The following CENPO variants were observed in gnomAD, a reference collection of about 807,000 sequenced individuals.
The protein encoded by CENPO is centromeric protein O.
Under a neutral mutation model 36.1 loss-of-function variants are expected in CENPO, and 30 were observed. The ratio of observed to expected loss-of-function variants is 0.83; its 90% CI spans 0.62 to 1.13. The LOEUF is 1.13. CENPO is among the 50% of genes most tolerant of loss of function. The pLI is 0.00. For missense variants in CENPO, 349 were observed against 357.8 expected (o/e 0.98, Z 0.20); for synonymous variants, 171 against 142.3 (o/e 1.20, Z -1.44).
intron 5 of CENPO, 108 bp downstream of exon 5, chr2:24,815,864 C>T (rs866252682): frequency 2.0e-6 from 2 of 1,015,542 alleles, no homozygotes; most frequent in Non-Finnish European, 1.5e-6. Context: ...AGAAGTTTGA[C>T]CGTTACCTTT....
chr2:24,818,546 T>C (rs1667072026), intron 7 of CENPO, among the ~76,000 whole-genome samples: 1 of 152,216 alleles, frequency 6.6e-6, no homozygotes, highest in African/African-American at 2.4e-5. Context: ...GAGAAAGCAG[T>C]AGGATAAAAT....
rs560634723 is a variant in CENPO at position 24,802,398 on chromosome 2, C to G, written c.216+2554C>G. Among the ~76,000 whole-genome samples the G allele has an allele frequency of 4.6e-5, 7 of 152,174 alleles. No homozygotes were observed. In the South Asian group the frequency reaches 1.5e-3, roughly 32 times the overall value. On this transcript the variant is annotated intron_variant, in intron 3 of 7. Coordinates refer to ENST00000380834, the MANE Select transcript of CENPO (RefSeq NM_001322101.2). ...GAGTGGTGAGAGAGGGCATCCCTGT[C>G]TTGTGCCAGTTTTCAAAGGGAATGC...
chr2:24,796,530 T>G (rs1665911454), intron 2 of CENPO, among the ~76,000 whole-genome samples: 1 of 152,000 alleles, frequency 6.6e-6, no homozygotes, highest in Non-Finnish European at 1.5e-5. Context: ...AAAACTATAG[T>G]GGCCGGGTGC....
In CENPO at chr2:24,817,798, G is replaced by A; in HGVS notation, c.895G>A (p.Val299Ile). ...RKGEKLDMSLVS is the reference protein window; with the variant it reads ...RKGEKLDMSLIS The stretch of plus-strand genomic sequence containing the variant: ...AGGAGAAAAGTTGGATATGAGTCTG[G>A]TCTCCTAATAGATTGTTTTCACTGC... Residue 299 changes from valine to isoleucine, a missense_variant, in exon 7 of 8, where the codon GTC (valine) becomes ATC (isoleucine). Physicochemically the swap from Val to Ile is conservative, Grantham distance 29 (BLOSUM62 3). Transcript: ENST00000380834. 6.2e-7 allele frequency: 1 copy of A among 1,614,144 alleles called. No homozygotes were observed.
Position 24,820,145 on chromosome 2 carries a change from G to T in CENPO, c.*827G>T. 1 of 1,145,840 alleles carries T rather than the reference G, an allele frequency of 8.7e-7. No individual in the cohort carries two copies. The allele number at this position is 1,145,840 out of a possible 1,614,324, so 71.0% of individuals were successfully genotyped here. A position where few individuals can be genotyped will look rare whatever the true frequency, so the allele number is the denominator to read the frequency against. On this transcript the variant is annotated 3_prime_UTR_variant, in exon 8 of 8. Transcript: ENST00000380834. ...GAGGGAGGGGGAGCAAGAACGTGGC[G>T]TTACGGGGGGAGCCTAGACTGAGGG... is the stretch of plus-strand genomic sequence containing the variant.
Position 24,819,759 on chromosome 2 carries a change from G to A in CENPO, c.*441G>A. Reference sequence around the variant, plus strand: ...CTGGGGACACTACAGGCACACACAGGAATAGCAGGGCCACCCTCAGAGCTC... The same window carrying A: ...CTGGGGACACTACAGGCACACACAGAAATAGCAGGGCCACCCTCAGAGCTC... On this transcript the variant is annotated 3_prime_UTR_variant, in exon 8 of 8. Coordinates refer to ENST00000380834, the MANE Select transcript of CENPO (RefSeq NM_001322101.2). 1 of 680,642 alleles carries A rather than the reference G, an allele frequency of 1.5e-6. No homozygotes were observed. The highest frequency in any genetic ancestry group is 2.8e-5 in the East Asian group (1 of 35,300). The allele number at this position is 680,642 out of a possible 1,614,324, so 42.2% of individuals were successfully genotyped here.
rs1208272037 is a variant in CENPO at position 24,822,031 on chromosome 2, A to AT, written c.*2714dup. On this transcript the variant is annotated 3_prime_UTR_variant, in exon 8 of 8. Transcript: ENST00000380834. ...GTGTTTCTTTAACCTCATCCATATA[A>AT]TAGGGCCGTGGGATGGTTGTAGAGG... is the stretch of plus-strand genomic sequence containing the variant. 4 of 210,752 alleles carry AT rather than the reference A, an allele frequency of 1.9e-5. No homozygotes were observed. Among genetic ancestry groups the AT allele is most frequent in the Non-Finnish European group, 2.9e-5 (3 of 105,032 alleles). The allele number at this position is 210,752 out of a possible 1,614,324, so 13.1% of individuals were successfully genotyped here. A position where few individuals can be genotyped will look rare whatever the true frequency, so the allele number is the denominator to read the frequency against.
At chr2:24,818,642 ACAGT>A (rs1667078016) in intron 7 of CENPO, among the ~76,000 whole-genome samples, 1 of 44,208 alleles carries the variant, frequency 2.3e-5, no homozygotes, top group African/African-American at 4.1e-5. Flanking sequence ...CTGAAAAAGC[ACAGT>A]TAGTTAGTTA....
chr2:24,821,560 G>C lies in CENPO; in HGVS notation c.*2242G>C, dbSNP rs754014653. 2 of 1,614,154 alleles carry C rather than the reference G, an allele frequency of 1.2e-6. No homozygotes were observed. Among genetic ancestry groups the C allele is most frequent in the Non-Finnish European group, 1.7e-6 (2 of 1,180,002 alleles). On this transcript the variant is annotated 3_prime_UTR_variant, in exon 8 of 8. Coordinates refer to ENST00000380834, the MANE Select transcript of CENPO (RefSeq NM_001322101.2). ...TATTGAAGGACTGGTTGTTGATGTTGGTGAGCGTATCCTTCATGGCCAGCG... is the reference window on the plus strand; with the variant it reads ...TATTGAAGGACTGGTTGTTGATGTTCGTGAGCGTATCCTTCATGGCCAGCG...
In CENPO at chr2:24,820,142, G is replaced by T; in HGVS notation, c.*824G>T. ...GGAGAGGGAGGGGGAGCAAGAACGTGGCGTTACGGGGGGAGCCTAGACTGA... is the reference window on the plus strand; with the variant it reads ...GGAGAGGGAGGGGGAGCAAGAACGTTGCGTTACGGGGGGAGCCTAGACTGA... On this transcript the variant is annotated 3_prime_UTR_variant, in exon 8 of 8. Coordinates refer to ENST00000380834, the MANE Select transcript of CENPO (RefSeq NM_001322101.2). 6.6e-7 allele frequency: 1 copy of T among 1,521,056 alleles called. No individual in the cohort carries two copies. The highest frequency in any genetic ancestry group is 1.3e-5 in the South Asian group (1 of 76,858). The allele number at this position is 1,521,056 out of a possible 1,614,324, so 94.2% of individuals were successfully genotyped here.
At chr2:24,818,530 T>C (rs770167971) in intron 7 of CENPO, among the ~76,000 whole-genome samples, 3 of 152,202 alleles carry the variant, frequency 2.0e-5, no homozygotes, top group South Asian at 2.1e-4. Flanking sequence ...TTTATAAATA[T>C]GGTGTGAGAA....
intron 3 of CENPO, among the ~76,000 whole-genome samples, chr2:24,807,099 C>T (rs1343170028): frequency 6.6e-6 from 1 of 152,208 alleles, no homozygotes; most frequent in African/African-American, 2.4e-5. Flanking sequence ...CTTCATTGCC[C>T]ATTGGATATC....
At chr2:24,810,974 C>G (rs1315758975) in intron 3 of CENPO, among the ~76,000 whole-genome samples, 2 of 150,058 alleles carry the variant, frequency 1.3e-5, no homozygotes, top group Non-Finnish European at 3.0e-5. Context: ...GACAGAGTCT[C>G]ACTCTGTCGC....
At chr2:24,796,285 T>G (rs911060527) in intron 2 of CENPO, among the ~76,000 whole-genome samples, 1 of 151,936 alleles carries the variant, frequency 6.6e-6, no homozygotes, top group African/African-American at 2.4e-5. Flanking sequence ...ACCTGGGAGG[T>G]AGAGGTTGCA....
Position 24,820,840 on chromosome 2 carries a change from T to C in CENPO, c.*1522T>C, listed in dbSNP as rs1270118352. The C allele has an allele frequency of 1.2e-6, 2 of 1,613,948 alleles. No homozygotes were observed. The highest frequency in any genetic ancestry group is 4.5e-5 in the East Asian group (2 of 44,888). On this transcript the variant is annotated 3_prime_UTR_variant, in exon 8 of 8. Transcript: ENST00000380834. Reference sequence around the variant, plus strand: ...ATGACCCCAGCCAGAACCCCGCCTTTGTTCATGCCTAGGGTAGAGGCATAA... The same window carrying C: ...ATGACCCCAGCCAGAACCCCGCCTTCGTTCATGCCTAGGGTAGAGGCATAA...
At position 24,814,410 on chromosome 2, in the gene CENPO, A is replaced by C; in HGVS notation, c.251A>C (p.Gln84Pro). 1 of 1,603,930 alleles carries C rather than the reference A, an allele frequency of 6.2e-7. No individual in the cohort carries two copies. Among genetic ancestry groups the C allele is most frequent in the Non-Finnish European group, 8.5e-7 (1 of 1,170,688 alleles). The stretch of plus-strand genomic sequence containing the variant: ...TGTATTGCCAATGTAGAACCCAACC[A>C]AACAGTGGAGATCAATGAGCAAGAA... ...KACIANVEPNQTVEINEQEAL... is the reference protein window; with the variant it reads ...KACIANVEPNPTVEINEQEAL... The change falls in exon 4 of 8, where the codon CAA becomes CCA. Residue 84 changes from glutamine (Q) to proline (P), a missense_variant. Transcript: ENST00000380834.
At chr2:24,810,500 T>G (rs1666624276) in intron 3 of CENPO, among the ~76,000 whole-genome samples, 1 of 142,088 alleles carries the variant, frequency 7.0e-6, no homozygotes, top group African/African-American at 2.6e-5. Flanking sequence ...GTTTGCAGGT[T>G]AAGGTTTTTT....
At chr2:24,803,647 A>G (rs1460424311) in intron 3 of CENPO, among the ~76,000 whole-genome samples, 1 of 152,070 alleles carries the variant, frequency 6.6e-6, no homozygotes, top group Non-Finnish European at 1.5e-5. Context: ...TTTTGAATGA[A>G]TTTCTTAATC....
intron 6 of CENPO, 88 bp downstream of exon 6, chr2:24,816,905 C>A: frequency 1.6e-6 from 2 of 1,247,318 alleles, no homozygotes; most frequent in Non-Finnish European, 2.2e-6. Flanking sequence ...TGAAGTAGAC[C>A]TCTTGAGACA....
Sources: gnomAD v4.1 joint callset for allele counts (sites outside exome capture counted in the v4.1 genomes callset) on GRCh38, gnomAD v4.1.1 for gene constraint, MANE v1.5 for transcripts, NCBI Gene and HGNC (gene_info 2026-07-23, HGNC 2026-07-21) for gene names.